DIPK1B: variants seen among roughly 807,000 people sequenced by gnomAD.
DIPK1B encodes the protein family with sequence similarity 69 member B.
In DIPK1B, 17 loss-of-function variants were observed where a neutral mutation model predicts 20.7. The ratio of observed to expected loss-of-function variants is 0.82; its 90% CI spans 0.56 to 1.23. DIPK1B has a LOEUF of 1.23. Ranked by LOEUF, DIPK1B falls within the 50% of genes most tolerant of loss-of-function variation. The pLI is 0.00. For missense variants in DIPK1B, 648 were observed against 601.8 expected (o/e 1.08, Z -0.80); for synonymous variants, 343 against 276.5 (o/e 1.24, Z -2.39).
intron 2 of DIPK1B, chr9:136,721,624 T>G: frequency 5.4e-6 from 2 of 372,644 alleles, no homozygotes; most frequent in Non-Finnish European, 1.0e-5. Context: ...CGACACTGGG[T>G]GTGGTGTGTG....
At chr9:136,720,354 A>ACCCT (rs1168856035) in intron 2 of DIPK1B, among the ~76,000 whole-genome samples, 1 of 150,382 alleles carries the variant, frequency 6.6e-6, no homozygotes, top group Non-Finnish European at 1.5e-5. Flanking sequence ...GGGGGCGGGG[A>ACCCT]CCCTCCCTCC....
Position 136,723,954 on chromosome 9 carries a change from G to C in DIPK1B, c.*180G>C, listed in dbSNP as rs142486147. On this transcript the variant is annotated 3_prime_UTR_variant, in exon 5 of 5. Coordinates refer to ENST00000371692, the MANE Select transcript of DIPK1B (RefSeq NM_152421.4). ...TGAGACCCCAGCTCGGAGCAAAGGC[G>C]GACATGGACATCCCGGCAGGAGAGT... 4 of 644,674 alleles carry C rather than the reference G, an allele frequency of 6.2e-6. No individual in the cohort carries two copies. Among genetic ancestry groups the C allele is most frequent in the Non-Finnish European group, 1.1e-5 (4 of 378,378 alleles). 39.9% of individuals were successfully genotyped at this position (644,674 alleles called of 1,614,324 possible). A position where few individuals can be genotyped will look rare whatever the true frequency, so the allele number is the denominator to read the frequency against.
Position 136,724,498 on chromosome 9 carries a change from G to A in DIPK1B, c.*724G>A, listed in dbSNP as rs1846672519. ...AGGGCACCCAGCAACCATCCCCTAGGAGAACAGGCAAGGACCCTCGTGGGA... is the reference window on the plus strand; with the variant it reads ...AGGGCACCCAGCAACCATCCCCTAGAAGAACAGGCAAGGACCCTCGTGGGA... On this transcript the variant is annotated 3_prime_UTR_variant, in exon 5 of 5. Coordinates refer to ENST00000371692, the MANE Select transcript of DIPK1B (RefSeq NM_152421.4). Among the ~76,000 whole-genome samples the A allele has an allele frequency of 6.6e-6, 1 of 152,152 alleles. No homozygotes were observed. Among genetic ancestry groups the A allele is most frequent in the Non-Finnish European group, 1.5e-5 (1 of 68,020 alleles).
At chr9:136,720,681 C>T (rs1409812233) in intron 2 of DIPK1B, among the ~76,000 whole-genome samples, 1 of 152,182 alleles carries the variant, frequency 6.6e-6, no homozygotes, top group African/African-American at 2.4e-5. Flanking sequence ...GGCCCGGAGT[C>T]ATTGTGGGGC....
Position 136,717,696 on chromosome 9 carries a change from C to T in DIPK1B, c.183C>T (p.Val61=), listed in dbSNP as rs1312441044. The T allele has an allele frequency of 1.2e-6, 2 of 1,611,240 alleles. No individual in the cohort carries two copies. The change falls in exon 2 of 5, where the codon GTC becomes GTT. Residue 61 remains valine (V), a synonymous_variant. Coordinates refer to ENST00000371692, the MANE Select transcript of DIPK1B (RefSeq NM_152421.4). ...SSYSERCRGH[V]CQVVICDQYR... is the part of the protein sequence containing the mutation. ...ACTCGGAGCGCTGTCGCGGCCATGTCTGCCAGGTGGTCATTGTAAGTGTTG... is the reference window on the plus strand; with the variant it reads ...ACTCGGAGCGCTGTCGCGGCCATGTTTGCCAGGTGGTCATTGTAAGTGTTG...
intron 2 of DIPK1B, among the ~76,000 whole-genome samples, chr9:136,719,325 G>C (rs1250536460): frequency 6.6e-6 from 1 of 152,148 alleles, no homozygotes; most frequent in Non-Finnish European, 1.5e-5. Context: ...TGGCTGCTCA[G>C]AGCCTTCCCA....
intron 1 of DIPK1B, among the ~76,000 whole-genome samples, chr9:136,714,213 CT>C (rs1846464882): frequency 6.6e-6 from 1 of 152,186 alleles, no homozygotes; most frequent in African/African-American, 2.4e-5. Context: ...TGGCTCCTGC[CT>C]GTAATGCCAG....
intron 1 of DIPK1B, among the ~76,000 whole-genome samples, chr9:136,715,354 T>G (rs1165778270): frequency 1.3e-5 from 2 of 152,144 alleles, no homozygotes; most frequent in Non-Finnish European, 2.9e-5. Context: ...AAGCCCAGCT[T>G]GGAGGCCTGC....
intron 1 of DIPK1B, among the ~76,000 whole-genome samples, chr9:136,716,226 C>G (rs896680263): frequency 1.3e-5 from 2 of 151,926 alleles, no homozygotes; most frequent in African/African-American, 4.8e-5. Context: ...GACTGCCCAC[C>G]CCTGGGCTGT....
intron 2 of DIPK1B, among the ~76,000 whole-genome samples, chr9:136,718,008 G>A (rs1323524303): frequency 6.6e-6 from 1 of 152,142 alleles, no homozygotes; most frequent in Non-Finnish European, 1.5e-5. Context: ...AGAAATCTTT[G>A]GGAGGGAGGA....
Position 136,712,709 on chromosome 9 carries a change from C to T in DIPK1B, c.44C>T (p.Pro15Leu). ...CTGGCGCACCTGGTGCTCTTCTGCC[C>T]CTTCTCCAAGCGCCTGCAGGTAAGC... ...RRLAHLVLFC[P>L]FSKRLQGRLP... Residue 15 changes from proline to leucine, a missense_variant, in exon 1 of 5, where the codon CCC becomes CTC. Physicochemically the swap from Pro to Leu is moderately conservative, Grantham distance 98. Transcript: ENST00000371692. This position sits in a 1 kb window ranked among gnomAD's most constrained non-coding sequence, Gnocchi z 5.6. 2 of 1,368,956 alleles carry T rather than the reference C, an allele frequency of 1.5e-6. No homozygotes were observed. Among genetic ancestry groups the T allele is most frequent in the Non-Finnish European group, 1.9e-6 (2 of 1,062,380 alleles). The allele number at this position is 1,368,956 out of a possible 1,614,324, so 84.8% of individuals were successfully genotyped here.
At chr9:136,717,748 G>GC in intron 2 of DIPK1B, 37 bp downstream of exon 2, 2 of 1,606,004 alleles carry the variant, frequency 1.2e-6, no homozygotes. Context: ...ACTGGGCCGT[G>GC]CCCCCTGCTG....
rs759478530 is a variant in DIPK1B at position 136,723,381 on chromosome 9, C to G, written c.903C>G (p.Ala301=). 2.5e-6 allele frequency: 4 copies of G among 1,613,346 alleles called. No individual in the cohort carries two copies. The change falls in exon 5 of 5, where the codon GCC becomes GCG. Residue 301 remains alanine (A), a synonymous_variant. Transcript: ENST00000371692. ...TCTACATGTGTGAGACCACACTGGC[C>G]AACGTGGGCTACACAGCCACCTACG... The part of the protein sequence containing the change: ...GTFYMCETTL[A]NVGYTATYDF...
At chr9:136,719,426 G>A (rs964950106) in intron 2 of DIPK1B, among the ~76,000 whole-genome samples, 19 of 152,320 alleles carry the variant, frequency 1.2e-4, no homozygotes, top group South Asian at 2.1e-4. Flanking sequence ...GCCCGGCCTC[G>A]TGGGGGCATT....
At chr9:136,716,571 T>C (rs934698824) in intron 1 of DIPK1B, among the ~76,000 whole-genome samples, 2 of 151,992 alleles carry the variant, frequency 1.3e-5, no homozygotes, top group African/African-American at 4.8e-5. Flanking sequence ...CCAGCTAATT[T>C]TTGTATTTTT....
chr9:136,721,671 T>C, intron 2 of DIPK1B: 2 of 513,362 alleles, frequency 3.9e-6, no homozygotes, highest in Non-Finnish European at 7.1e-6. Flanking sequence ...TGTGCCGTCC[T>C]GTTACAGGAG....
chr9:136,712,633 G>T lies in DIPK1B; in HGVS notation c.-33G>T. ...GGCCGGGGCTGAGGCCGAGCGAGCC[G>T]CGGGGCCCGCGCAGCCCCGGCCGGA... is the stretch of plus-strand genomic sequence containing the variant. On this transcript the variant is annotated 5_prime_UTR_variant, in exon 1 of 5. Transcript: ENST00000371692. The surrounding 1 kb of genome is among the most constrained non-coding windows in gnomAD (Gnocchi z 5.6). 9.2e-7 allele frequency: 1 copy of T among 1,090,646 alleles called. No individual in the cohort carries two copies. The highest frequency in any genetic ancestry group is 1.1e-6 in the Non-Finnish European group (1 of 894,034). 67.6% of individuals were successfully genotyped at this position (1,090,646 alleles called of 1,614,324 possible). A position where few individuals can be genotyped will look rare whatever the true frequency, so the allele number is the denominator to read the frequency against.
At chr9:136,715,705 C>G (rs560428823) in intron 1 of DIPK1B, among the ~76,000 whole-genome samples, 4 of 151,408 alleles carry the variant, frequency 2.6e-5, no homozygotes, top group Non-Finnish European at 5.9e-5. Context: ...GTAGGGATGG[C>G]GTTCCTCCCT....
At chr9:136,718,202 GTCC>G (rs1235381703) in intron 2 of DIPK1B, among the ~76,000 whole-genome samples, 3 of 32,958 alleles carry the variant, frequency 9.1e-5, no homozygotes, top group South Asian at 7.7e-4. Context: ...GGCCTCACTG[GTCC>G]AGGATAGAGA....
Sources: allele counts gnomAD v4.1 joint callset (sites outside exome capture counted in the v4.1 genomes callset), GRCh38; gene constraint gnomAD v4.1.1; non-coding constraint Gnocchi (gnomAD v3.1); transcripts MANE v1.5; gene names NCBI Gene and HGNC (gene_info 2026-07-23, HGNC 2026-07-21).